The following RIF1 variants were observed in gnomAD, a reference collection of about 807,000 sequenced individuals.
RIF1 encodes replication timing regulatory factor 1, also known as telomere-associated protein RIF1.
In RIF1, 45 loss-of-function variants were observed where a neutral mutation model predicts 247.1. The observed-to-expected ratio is 0.18, with a 90% CI of 0.14 to 0.23. The LOEUF (loss-of-function observed/expected upper bound fraction) is 0.23, where lower values mean the gene tolerates loss of function less well. Ranked by LOEUF, RIF1 falls within the 10% of genes least tolerant of loss-of-function variation. The pLI is 1.00. For synonymous variants in RIF1, 1,087 were observed against 978.8 expected, an observed-to-expected ratio of 1.11 and a Z score of -2.06; for missense variants, 2,967 against 2,862.5, an observed-to-expected ratio of 1.04 and a Z score of -0.83.
intron 31 of RIF1, 116 bp downstream of exon 31, chr2:151,468,262 A>G: frequency 1.8e-6 from 2 of 1,081,102 alleles, no homozygotes; most frequent in Non-Finnish European, 2.6e-6. Context: ...TTTAAAATAT[A>G]TTCTTTTGTC....
intron 13 of RIF1, among the ~76,000 whole-genome samples, 162 bp from the exon 14 acceptor site, chr2:151,438,522 G>A (rs1405102751): frequency 6.6e-6 from 1 of 152,196 alleles, no homozygotes; most frequent in Non-Finnish European, 1.5e-5. Context: ...CGAAGTGATA[G>A]TGTTTTATAA....
At chr2:151,411,400 TG>T (rs1287578186) in intron 3 of RIF1, 62 bp downstream of exon 3, 7 of 1,130,814 alleles carry the variant, frequency 6.2e-6, no homozygotes, top group Non-Finnish European at 9.1e-6. Flanking sequence ...TTTTTGGTTT[TG>T]TTTTTTTGTT....
rs140083114 is a variant in RIF1, at chr2:151,459,624, A to G, written c.2956-376A>G. On this transcript the variant is annotated intron_variant, in intron 25 of 35. Coordinates refer to ENST00000444746, the MANE Select transcript of RIF1 (RefSeq NM_018151.5). ...TGAGGGGAAATATGCTCTGTCATAC[A>G]TGCTTTATTAACCCTCAGTTGTTTA... Among the ~76,000 whole-genome samples, 886 of 152,332 alleles carry G rather than the reference A, an allele frequency of 5.8e-3. 5 individuals carry two copies. Among genetic ancestry groups the G allele is most frequent in the Middle Eastern group, 0.017 (5 of 294 alleles).
chr2:151,524,320 C>T, the RIF1 span: 5 of 1,613,780 alleles, frequency 3.1e-6, no homozygotes, highest in Non-Finnish European at 4.2e-6. Flanking sequence ...CCTGGCTGCT[C>T]AGCTTGGCTG....
the RIF1 span, chr2:151,518,417 C>G: frequency 6.3e-7 from 1 of 1,598,682 alleles, no homozygotes; most frequent in Non-Finnish European, 8.6e-7. Context: ...TCTTCTTGTA[C>G]TGGTACTGAG....
rs2152051093 is a variant in RIF1, at chr2:151,410,362, G to A, written c.-10-52G>A. The A allele has an allele frequency of 7.5e-6, 11 of 1,464,716 alleles. No homozygotes were observed. In the South Asian group the frequency reaches 1.3e-4, roughly 17 times the overall value. The allele number at this position is 1,464,716 out of a possible 1,614,324, so 90.7% of individuals were successfully genotyped here. A position where few individuals can be genotyped will look rare whatever the true frequency, so the allele number is the denominator to read the frequency against. On this transcript the variant is annotated intron_variant, in intron 1 of 35. Transcript: ENST00000444746. ...GCCGGACTCACACTGGGCCGCCGCG[G>A]GGCTGTTTCCATCGGTCACTGGATT...
intron 6 of RIF1, 134 bp from the exon 7 acceptor site, chr2:151,420,056 G>A: frequency 1.5e-6 from 1 of 680,862 alleles, no homozygotes; most frequent in African/African-American, 1.8e-5. Context: ...TATTTCTTGT[G>A]TGTATATGCA....
intron 6 of RIF1, among the ~76,000 whole-genome samples, chr2:151,418,965 ATT>A (rs1687684610): frequency 9.8e-6 from 1 of 101,806 alleles, no homozygotes; most frequent in Non-Finnish European, 1.9e-5. Context: ...GGAGCCTTAA[ATT>A]CTTTTTTTTT....
intron 20 of RIF1, among the ~76,000 whole-genome samples, chr2:151,449,054 T>G (rs1009082527): frequency 1.3e-5 from 2 of 152,190 alleles, no homozygotes; most frequent in African/African-American, 4.8e-5. Flanking sequence ...TTCCAGGGAT[T>G]TGTGTTTATT....
In RIF1 at chr2:151,464,575, G is replaced by C; in HGVS notation, c.5055G>C (p.Lys1685Asn). ...RTRNAIKRLHKRDSFDNCSLG... is the reference protein window; with the variant it reads ...RTRNAIKRLHNRDSFDNCSLG... Reference sequence around the variant, plus strand: ...GAAATGCCATTAAGAGATTACATAAGCGAGACTCTTTTGATAATTGTAGTT... The same window carrying C: ...GAAATGCCATTAAGAGATTACATAACCGAGACTCTTTTGATAATTGTAGTT... Residue 1685 changes from lysine to asparagine, a missense_variant, in exon 30 of 36, where the codon AAG (lysine) becomes AAC (asparagine). This residue lies in a region of RIF1 where 2,028 missense variants were observed against 1,825.6 expected (regional missense o/e 1.11). Transcript: ENST00000444746. The C allele has an allele frequency of 1.2e-6, 2 of 1,613,438 alleles. No individual in the cohort carries two copies. The highest frequency in any genetic ancestry group is 4.5e-5 in the East Asian group (2 of 44,850).
chr2:151,469,919 G>A (rs1697533272), intron 34 of RIF1, 55 bp downstream of exon 34: 5 of 1,302,800 alleles, frequency 3.8e-6, no homozygotes, highest in Non-Finnish European at 5.2e-6. Flanking sequence ...TAGCAGTACA[G>A]TTACAGAAGT....
the RIF1 span, chr2:151,529,213 G>A: frequency 3.1e-6 from 5 of 1,602,404 alleles, no homozygotes. Flanking sequence ...AACTTACATT[G>A]GTGTTGACTT....
At chr2:151,487,637 T>A (rs1432496095) in intron 9 of RIF1, among the ~76,000 whole-genome samples, 1 of 152,190 alleles carries the variant, frequency 6.6e-6, no homozygotes, top group Non-Finnish European at 1.5e-5. Context: ...TTGTCACCAT[T>A]TTTTCTTACA....
chr2:151,489,954 A>T, intron 9 of RIF1: 1 of 1,525,420 alleles, frequency 6.6e-7, no homozygotes. Context: ...TATTTAAGTG[A>T]GTTGTTATTC....
Position 151,460,052 on chromosome 2 carries a change from A to G in RIF1, c.3008A>G (p.Asn1003Ser). Residue 1003 changes from asparagine to serine, a missense_variant, in exon 26 of 36, where the codon AAT (asparagine) becomes AGT (serine). Physicochemically the swap from Asn to Ser is conservative, Grantham distance 46. Transcript: ENST00000444746. ...VKISGMERKS[N>S]GKRDSFLAQT... ...ATAAGTGGCATGGAGAGAAAATCAA[A>G]TGGAAAAAGAGATTCATTTTTGGCA... The G allele has an allele frequency of 6.4e-7, 1 of 1,573,334 alleles. No individual in the cohort carries two copies. The highest frequency in any genetic ancestry group is 8.7e-7 in the Non-Finnish European group (1 of 1,153,970).
In RIF1 at chr2:151,458,907, T is replaced by C. The variant is rs772191493; in HGVS notation, c.2952T>C (p.Asp984=). 7.0e-6 allele frequency: 11 copies of C among 1,564,730 alleles called. No homozygotes were observed. In the Admixed American group the frequency reaches 1.9e-4, roughly 27 times the overall value. ...MMEESSGPYS[D]GTENSQLNVK... ...AGGAATCCAGTGGACCATATTCTGA[T>C]GGAGTAAGTTGGGGGGTTTTATTGT... Residue 984 remains aspartate (D), a synonymous_variant, in exon 25 of 36, where the codon GAT becomes GAC. Coordinates refer to ENST00000444746, the MANE Select transcript of RIF1 (RefSeq NM_018151.5).
At position 151,438,666 on chromosome 2, in the gene RIF1, GTTTA is replaced by G; in HGVS notation, c.1484-14_1484-11del. ...TATGTACTTCATTTAAAATACTCAA[GTTTA>G]TTTTGTTTGACAGATGTGGTTGTCA... On this transcript the variant is annotated splice_polypyrimidine_tract_variant and intron_variant, in intron 13 of 35. Coordinates refer to ENST00000444746, the MANE Select transcript of RIF1 (RefSeq NM_018151.5). 1.3e-6 allele frequency: 2 copies of G among 1,591,432 alleles called. No individual in the cohort carries two copies. Among genetic ancestry groups the G allele is most frequent in the Non-Finnish European group, 1.7e-6 (2 of 1,159,494 alleles).
At chr2:151,470,844 C>G (rs1419636466) in intron 34 of RIF1, among the ~76,000 whole-genome samples, 1 of 152,058 alleles carries the variant, frequency 6.6e-6, no homozygotes, top group Non-Finnish European at 1.5e-5. Context: ...AATTTAGTTT[C>G]TAAAGTATTT....
At chr2:151,518,532 A>C in the RIF1 span, 137 of 719,804 alleles carry the variant, frequency 1.9e-4, no homozygotes, top group Non-Finnish European at 3.2e-4. Context: ...GATCAAACTA[A>C]AAATGGCAAA....
Sources: gnomAD v4.1 joint callset for allele counts (sites outside exome capture counted in the v4.1 genomes callset) on GRCh38, gnomAD v4.1.1 for gene constraint, gnomAD v4.1.1 regional missense constraint, MANE v1.5 for transcripts, NCBI Gene and HGNC (gene_info 2026-07-23, HGNC 2026-07-21) for gene names.